The following FMO5 variants were observed in gnomAD, a reference collection of about 807,000 sequenced individuals.
FMO5 encodes the protein flavin-containing monooxygenase 5.
Under a neutral mutation model 43.6 loss-of-function variants are expected in FMO5, and 51 were observed. That is an observed-to-expected ratio of 1.17 (90% CI 0.93 to 1.48). FMO5 has a LOEUF of 1.48. Ranked by LOEUF, FMO5 falls within the 40% of genes most tolerant of loss-of-function variation. The probability of loss-of-function intolerance (pLI) is 0.00; values close to 1 mark genes in which losing one functional copy is unlikely to be tolerated. For synonymous variants in FMO5, 187 were observed against 216.5 expected (o/e 0.86, Z 1.20); for missense variants, 644 against 643.0 (o/e 1.00, Z -0.02).
intron 6 of FMO5, among the ~76,000 whole-genome samples, chr1:147,208,022 A>G (rs28381198): frequency 1.3e-5 from 2 of 152,310 alleles, no homozygotes; most frequent in East Asian, 3.9e-4. Context: ...GTAGGTTTGC[A>G]TAGACCTCCT....
intron 3 of FMO5, among the ~76,000 whole-genome samples, chr1:147,214,477 AG>A (rs202124028): frequency 6.7e-6 from 1 of 149,726 alleles, no homozygotes; most frequent in Non-Finnish European, 1.5e-5. Context: ...AAAAAAAAAA[AG>A]AGAGACAAAC....
chr1:147,217,916 A>T (rs1313269780), intron 2 of FMO5, among the ~76,000 whole-genome samples: 1 of 152,198 alleles, frequency 6.6e-6, no homozygotes, highest in Non-Finnish European at 1.5e-5. Context: ...GGTTTTCCCC[A>T]CAGCATCCAC....
intron 5 of FMO5, 73 bp from the exon 6 acceptor site, chr1:147,209,124 C>T: frequency 7.3e-7 from 1 of 1,373,278 alleles, no homozygotes; most frequent in Non-Finnish European, 1.0e-6. Context: ...CCATTTTCTT[C>T]AAGAATCATT....
At chr1:147,210,166 A>G (rs1223191278) in intron 5 of FMO5, 5 of 152,226 alleles carry the variant, frequency 3.3e-5, no homozygotes, top group African/African-American at 9.6e-5. Flanking sequence ...CAGAGCTAGT[A>G]AGTGGCAGAG....
chr1:147,213,087 C>T (rs1553924072), intron 4 of FMO5, among the ~76,000 whole-genome samples: 1 of 152,126 alleles, frequency 6.6e-6, no homozygotes, highest in Non-Finnish European at 1.5e-5. Flanking sequence ...TGACTAAAGT[C>T]ATTGTAAAAC....
In FMO5 at chr1:147,225,060, G is replaced by T. The variant is rs781917815; in HGVS notation, c.-31C>A. ...CCCGAGATCTTCACCTGTTAGTGTC[G>T]CCTGTCCTAAAGAAAGGATGACAAA... On this transcript the variant is annotated 5_prime_UTR_variant, in exon 2 of 9. Transcript: ENST00000254090. 7.8e-5 allele frequency: 126 copies of T among 1,613,748 alleles called. 1 individual carries two copies. The East Asian group carries it at 2.6e-3, about 34-fold the overall frequency.
chr1:147,218,748 A>T (rs968088031), intron 2 of FMO5, among the ~76,000 whole-genome samples: 2 of 152,238 alleles, frequency 1.3e-5, no homozygotes, highest in African/African-American at 4.8e-5. Flanking sequence ...TTTCTAAGTT[A>T]TTAAATTGTT....
intron 5 of FMO5, chr1:147,211,360 T>A (rs1661039396): frequency 1.3e-5 from 2 of 152,236 alleles, no homozygotes; most frequent in African/African-American, 4.8e-5. Context: ...ATATAATTAT[T>A]TTAATTATTT....
In FMO5 at chr1:147,212,463, C is replaced by G. The variant is rs781850993; in HGVS notation, c.560G>C (p.Arg187Thr). The G allele has an allele frequency of 3.1e-6, 5 of 1,613,856 alleles. No individual in the cohort carries two copies. Among genetic ancestry groups the G allele is most frequent in the Non-Finnish European group, 4.2e-6 (5 of 1,179,852 alleles). ...ATTCCCAATGCCAATTATAATGACTCTCTTTCCAGTGAATCCCTCTGGGTT... is the reference window on the plus strand; with the variant it reads ...ATTCCCAATGCCAATTATAATGACTGTCTTTCCAGTGAATCCCTCTGGGTT... Reference protein sequence around the residue: ...YKNPEGFTGKRVIIIGIGNSG... With the variant: ...YKNPEGFTGKTVIIIGIGNSG... The change falls in exon 5 of 9, where the codon AGA (arginine) becomes ACA (threonine). Residue 187 changes from arginine (R) to threonine (T), a missense_variant. Transcript: ENST00000254090.
intron 6 of FMO5, chr1:147,204,329 T>C (rs1659571916): frequency 1.0e-6 from 1 of 960,006 alleles, no homozygotes; most frequent in South Asian, 1.3e-5. Context: ...CAAACTCTGA[T>C]GTTATCAACT....
intron 2 of FMO5, chr1:147,223,845 G>C (rs1663501438): frequency 1.0e-5 from 3 of 299,570 alleles, no homozygotes; most frequent in South Asian, 6.1e-5. Context: ...CTGCTTACGC[G>C]GGCCCACAAG....
chr1:147,218,922 A>G (rs1283482108), intron 2 of FMO5, among the ~76,000 whole-genome samples: 4 of 152,150 alleles, frequency 2.6e-5, no homozygotes, highest in Non-Finnish European at 5.9e-5. Context: ...TCATCCTCCA[A>G]GCTCCCAAAA....
chr1:147,204,839 T>G, intron 6 of FMO5: 1 of 1,602,786 alleles, frequency 6.2e-7, no homozygotes, highest in Non-Finnish European at 8.5e-7. Flanking sequence ...GCTTGTATGT[T>G]TCTATACACA....
At position 147,204,603 on chromosome 1, in the gene FMO5, A is replaced by G. The variant is rs587605315; in HGVS notation, c.831-3099T>C. 12 of 1,593,194 alleles carry G rather than the reference A, an allele frequency of 7.5e-6. No homozygotes were observed. In the African/African-American group the frequency reaches 1.2e-4, roughly 16 times the overall value. On this transcript the variant is annotated intron_variant, in intron 6 of 8. Transcript: ENST00000254090. ...GAAGTTCTTCAGCTAATTCCAGGAGAGCTCCGGCAAATACCAGAACAATGT... is the reference window on the plus strand; with the variant it reads ...GAAGTTCTTCAGCTAATTCCAGGAGGGCTCCGGCAAATACCAGAACAATGT...
intron 7 of FMO5, among the ~76,000 whole-genome samples, chr1:147,194,491 C>CATTT (rs782294424): frequency 6.6e-6 from 1 of 152,134 alleles, no homozygotes; most frequent in Non-Finnish European, 1.5e-5. Flanking sequence ...TTAATTGGAG[C>CATTT]ATTTAGCCCA....
At position 147,196,302 on chromosome 1, in the gene FMO5, A is replaced by G. The variant is rs141172273; in HGVS notation, c.1183+4850T>C. 5.1e-3 allele frequency among the ~76,000 whole-genome samples: 776 copies of G among 152,272 alleles called. 7 individuals carry two copies. The highest frequency in any genetic ancestry group is 0.017 in the African/African-American group (688 of 41,510). The stretch of plus-strand genomic sequence containing the variant: ...GAATTATTATTTATCATCATAAATC[A>G]ATTAGGAAACACTGAAATGCTTCAT... On this transcript the variant is annotated intron_variant, in intron 7 of 8. Transcript: ENST00000254090.
intron 8 of FMO5, among the ~76,000 whole-genome samples, chr1:147,187,741 T>C (rs1158664155): frequency 6.6e-6 from 1 of 152,156 alleles, no homozygotes; most frequent in Admixed American, 6.5e-5. Context: ...GGGAGAATGA[T>C]TTATTCCACA....
At chr1:147,184,367 C>G (rs1655438728), downstream of FMO5, 2 of 1,046,480 alleles carry the variant, frequency 1.9e-6, no homozygotes, top group Admixed American at 3.9e-5. This position sits in a 1 kb window ranked among gnomAD's most constrained non-coding sequence, Gnocchi z 4.4. Context: ...TTTGTCACAA[C>G]TAATAAACCA....
At chr1:147,204,894 C>G in intron 6 of FMO5, 6 of 1,584,538 alleles carry the variant, frequency 3.8e-6, no homozygotes, top group African/African-American at 2.7e-5. Flanking sequence ...CCTTGAGCAT[C>G]TGGGCGAAGC....
Sources: allele counts gnomAD v4.1 joint callset (sites outside exome capture counted in the v4.1 genomes callset), GRCh38; gene constraint gnomAD v4.1.1; non-coding constraint Gnocchi (gnomAD v3.1); transcripts MANE v1.5; gene names NCBI Gene and HGNC (gene_info 2026-07-23, HGNC 2026-07-21).